NLGN1: variants seen among roughly 807,000 people sequenced by gnomAD.
NLGN1 encodes the protein neuroligin-1.
NLGN1 carries 12 observed loss-of-function variants against 65.5 expected under a neutral mutation model. The observed-to-expected ratio is 0.18, with a 90% confidence interval of 0.12 to 0.30. The LOEUF is 0.30. Ranked by LOEUF, NLGN1 falls within the 10% of genes least tolerant of loss-of-function variation. The pLI, the probability that NLGN1 is intolerant of heterozygous loss-of-function variation, is 1.00. For synonymous variants in NLGN1, 350 were observed against 359.5 expected (o/e 0.97, Z 0.30); for missense variants, 750 against 1,007.1 (o/e 0.74, Z 3.46).
At chr3:173,446,520 A>G (rs904495694) in intron 2 of NLGN1, among the ~76,000 whole-genome samples, 1 of 152,198 alleles carries the variant, frequency 6.6e-6, no homozygotes, top group Non-Finnish European at 1.5e-5. Flanking sequence ...GTGCCGCAAT[A>G]AACATACGTG....
chr3:174,111,564 G>A (rs1229575324), intron 4 of NLGN1, among the ~76,000 whole-genome samples: 1 of 151,734 alleles, frequency 6.6e-6, no homozygotes, highest in Non-Finnish European at 1.5e-5. Flanking sequence ...GCTAAAAATG[G>A]CCTGTTACAT....
intron 2 of NLGN1, among the ~76,000 whole-genome samples, chr3:173,452,328 G>C (rs1487638950): frequency 6.6e-6 from 1 of 152,002 alleles, no homozygotes; most frequent in African/African-American, 2.4e-5. Context: ...GGGACTACAG[G>C]TGCCCGCCAC....
chr3:173,480,119 G>T (rs1029638020), intron 2 of NLGN1, among the ~76,000 whole-genome samples: 7 of 151,918 alleles, frequency 4.6e-5, no homozygotes, highest in African/African-American at 1.7e-4. Context: ...CATTTTGCTT[G>T]TATGTGTTTA....
rs151031945 is a variant in NLGN1, at chr3:173,459,730, A to G, written c.-321+24652A>G. Among the ~76,000 whole-genome samples, 782 of 152,290 alleles carry G rather than the reference A, an allele frequency of 5.1e-3. 3 individuals carry two copies. Among genetic ancestry groups the G allele is most frequent in the Middle Eastern group, 0.034 (10 of 294 alleles). On this transcript the variant is annotated intron_variant, in intron 2 of 6. Coordinates refer to ENST00000457714, the Ensembl canonical transcript of NLGN1. Reference sequence around the variant, plus strand: ...ATATTTATAATTTTATGCTATAATGATAAGCCATACACAGACCTATTTCAA... The same window carrying G: ...ATATTTATAATTTTATGCTATAATGGTAAGCCATACACAGACCTATTTCAA...
intron 4 of NLGN1, among the ~76,000 whole-genome samples, chr3:173,814,842 G>A (rs1049592850): frequency 5.9e-5 from 9 of 152,094 alleles, no homozygotes; most frequent in Non-Finnish European, 1.0e-4. Context: ...CATAGATAAC[G>A]ATTGAATGCA....
intron 4 of NLGN1, among the ~76,000 whole-genome samples, chr3:173,835,568 T>G (rs1238265091): frequency 1.0e-5 from 1 of 98,470 alleles, no homozygotes; most frequent in African/African-American, 3.9e-5. Context: ...GATAATAATA[T>G]GTTCAAACAC....
intron 4 of NLGN1, among the ~76,000 whole-genome samples, chr3:173,844,187 G>A (rs912162382): frequency 6.6e-5 from 10 of 152,194 alleles, no homozygotes; most frequent in African/African-American, 2.4e-4. Flanking sequence ...CTCCCACGGG[G>A]TCCCTCCCAC....
intron 3 of NLGN1, among the ~76,000 whole-genome samples, chr3:173,745,336 A>G (rs1175092658): frequency 6.6e-6 from 1 of 152,082 alleles, no homozygotes; most frequent in Non-Finnish European, 1.5e-5. Context: ...AAATGTTACC[A>G]GACATCATTT....
intron 4 of NLGN1, among the ~76,000 whole-genome samples, chr3:174,039,330 T>C (rs1731788169): frequency 6.6e-6 from 1 of 152,106 alleles, no homozygotes; most frequent in African/African-American, 2.4e-5. Context: ...TAGGTATACA[T>C]GTGTCATGGT....
intron 3 of NLGN1, among the ~76,000 whole-genome samples, chr3:173,720,862 T>A (rs1770722116): frequency 6.6e-6 from 1 of 152,186 alleles, no homozygotes; most frequent in South Asian, 2.1e-4. Flanking sequence ...TTTTTAAGGA[T>A]AAACTTATTT....
At chr3:173,718,228 T>C (rs577077372) in intron 3 of NLGN1, among the ~76,000 whole-genome samples, 1 of 152,252 alleles carries the variant, frequency 6.6e-6, no homozygotes, top group Non-Finnish European at 1.5e-5. Context: ...TATTGTGTTA[T>C]CAAACACTAG....
chr3:174,264,588 AT>A (rs1747634643), intron 4 of NLGN1, among the ~76,000 whole-genome samples: 1 of 147,686 alleles, frequency 6.8e-6, no homozygotes, highest in Non-Finnish European at 1.5e-5. Flanking sequence ...ATTCTTCTAA[AT>A]TTTTTTCAAA....
chr3:173,453,397 A>C (rs994959713), intron 2 of NLGN1, among the ~76,000 whole-genome samples: 1 of 151,338 alleles, frequency 6.6e-6, no homozygotes, highest in African/African-American at 2.4e-5. Flanking sequence ...TTTTTTTTTA[A>C]ATAAAGCAAC....
intron 3 of NLGN1, among the ~76,000 whole-genome samples, chr3:173,701,748 A>G (rs1427520146): frequency 6.6e-6 from 1 of 152,226 alleles, no homozygotes; most frequent in African/African-American, 2.4e-5. Flanking sequence ...GAGCTAGAAT[A>G]TAAATAATAC....
At chr3:174,101,915 G>A (rs1328144498) in intron 4 of NLGN1, among the ~76,000 whole-genome samples, 7 of 152,142 alleles carry the variant, frequency 4.6e-5, no homozygotes, top group Non-Finnish European at 1.0e-4. Flanking sequence ...TTCCAATCGG[G>A]AGATCAGGGA....
intron 4 of NLGN1, 69 bp from the exon 5 acceptor site, chr3:174,275,246 G>GTGT: frequency 3.5e-6 from 4 of 1,141,344 alleles, no homozygotes; most frequent in Non-Finnish European, 5.2e-6. Flanking sequence ...GGCTTCATTT[G>GTGT]TGTTTAAATT....
At chr3:173,856,568 C>T (rs567295019) in intron 4 of NLGN1, among the ~76,000 whole-genome samples, 52 of 152,172 alleles carry the variant, frequency 3.4e-4, no homozygotes, top group African/African-American at 1.2e-3. Context: ...TAGGAGCTAT[C>T]GTCCAGCAAA....
intron 1 of NLGN1, among the ~76,000 whole-genome samples, chr3:173,412,669 A>G (rs1324846129): frequency 6.6e-6 from 1 of 152,204 alleles, no homozygotes; most frequent in African/African-American, 2.4e-5. Context: ...ATTCTAAACC[A>G]AATTATAAAA....
At chr3:173,758,581 G>T (rs1578291848) in intron 3 of NLGN1, among the ~76,000 whole-genome samples, 1 of 152,034 alleles carries the variant, frequency 6.6e-6, no homozygotes, top group East Asian at 1.9e-4. Flanking sequence ...CCCAGCCAGT[G>T]TTTCCCATAA....
Sources: gnomAD v4.1 joint callset for allele counts (sites outside exome capture counted in the v4.1 genomes callset) on GRCh38, gnomAD v4.1.1 for gene constraint, MANE v1.5 for transcripts, NCBI Gene and HGNC (gene_info 2026-07-23, HGNC 2026-07-21) for gene names.